Variants in MYH6 observed in about 807,000 individuals in gnomAD.
MYH6 encodes the protein myosin heavy chain 6, also known as myosin-6.
In MYH6, 126 loss-of-function variants were observed where a neutral mutation model predicts 223.2. That is an observed-to-expected ratio of 0.56 (90% confidence interval 0.49 to 0.65). The LOEUF (loss-of-function observed/expected upper bound fraction) is 0.65. MYH6 is among the 30% of genes least tolerant of loss of function. The pLI is 0.00. For synonymous variants in MYH6, 978 were observed against 1,010.2 expected (o/e 0.97, Z 0.61); for missense variants, 2,040 against 2,536.4 (o/e 0.80, Z 4.20).
chr14:23,395,659 T>C (rs974903601), intron 20 of MYH6, among the ~76,000 whole-genome samples: 1 of 152,166 alleles, frequency 6.6e-6, no homozygotes, highest in Non-Finnish European at 1.5e-5. Flanking sequence ...CCAGAGTAGC[T>C]GGGACTACAG....
At chr14:23,397,932 C>CTCCTCTTCTTCTTCT (rs1891452078) in intron 15 of MYH6, among the ~76,000 whole-genome samples, 6 of 90,218 alleles carry the variant, frequency 6.7e-5, no homozygotes, top group East Asian at 3.8e-4. Flanking sequence ...CCTCCTCCTC[C>CTCCTCTTCTTCTTCT]TCTTCTTCTT....
intron 25 of MYH6, 115 bp from the exon 26 acceptor site, chr14:23,390,561 G>T (rs1357369919): frequency 6.5e-7 from 1 of 1,532,262 alleles, no homozygotes; most frequent in African/African-American, 1.4e-5. Flanking sequence ...TTCTCAACTA[G>T]GGGCAATTTT....
At chr14:23,382,366 C>T (rs570992402) in intron 38 of MYH6, 62 bp downstream of exon 38, 21 of 1,610,286 alleles carry the variant, frequency 1.3e-5, no homozygotes, top group South Asian at 1.2e-4. Context: ...CTCTGAAGGG[C>T]ACCCATATCA....
At position 23,397,947 on chromosome 14, in the gene MYH6, T is replaced by TTCC. The variant is rs1329314757; in HGVS notation, c.1892-335_1892-334insGGA. 3.6e-3 allele frequency among the ~76,000 whole-genome samples: 259 copies of TTCC among 71,300 alleles called. 8 individuals carry two copies. Among genetic ancestry groups the TTCC allele is most frequent in the African/African-American group, 0.016 (238 of 15,156 alleles). 46.8% of individuals were successfully genotyped at this position (71,300 alleles called of 152,430 possible). Reference sequence around the variant, plus strand: ...CCTCCTCCTCCTCTTCTTCTTCTTCTTCTTCTTCTTCTTCTTCTTCTTCTT... The same window carrying TTCC: ...CCTCCTCCTCCTCTTCTTCTTCTTCTTCCTCTTCTTCTTCTTCTTCTTCTTCTT... On this transcript the variant is annotated intron_variant, in intron 15 of 38. Transcript: ENST00000405093.
intron 32 of MYH6, among the ~76,000 whole-genome samples, chr14:23,387,090 T>A (rs1255818863): frequency 6.6e-6 from 1 of 152,196 alleles, no homozygotes; most frequent in Non-Finnish European, 1.5e-5. Flanking sequence ...TTAATCTTTA[T>A]AATAATCATG....
chr14:23,404,692 C>A lies in MYH6; in HGVS notation c.642+19G>T. 6.2e-7 allele frequency: 1 copy of A among 1,610,504 alleles called. No individual in the cohort carries two copies. The highest frequency in any genetic ancestry group is 1.3e-5 in the African/African-American group (1 of 74,928). ...GCCCCCCAACCCCTGTTCTGCCGAG[C>A]CTGTGTCCCCCATGGCACCTTGTTC... On this transcript the variant is annotated intron_variant, in intron 7 of 38. Transcript: ENST00000405093.
intron 3 of MYH6, among the ~76,000 whole-genome samples, chr14:23,406,529 TGGTGTGA>T (rs1891794299): frequency 2.0e-5 from 3 of 152,184 alleles, no homozygotes; most frequent in Non-Finnish European, 4.4e-5. Flanking sequence ...TTCTCTTGGC[TGGTGTGA>T]GCAAACCAGG....
Position 23,388,885 on chromosome 14 carries a change from C to T in MYH6, c.4149G>A (p.Gln1383=). ...TGGCCTCTTCGAGCTCCTCAGTCCG[C>T]TGAATGGCGTCCGTCTCATACTTGG... ...WRTKYETDAI[Q]RTEELEEAKK... Residue 1383 remains glutamine, a synonymous_variant, in exon 29 of 39, where the codon CAG becomes CAA. Transcript: ENST00000405093. 3 of 1,613,838 alleles carry T rather than the reference C, an allele frequency of 1.9e-6. No individual in the cohort carries two copies. Among genetic ancestry groups the T allele is most frequent in the Non-Finnish European group, 2.5e-6 (3 of 1,180,042 alleles).
chr14:23,399,169 C>T (rs1891522224), intron 14 of MYH6, 132 bp from the exon 15 acceptor site: 2 of 1,080,474 alleles, frequency 1.9e-6, no homozygotes, highest in Admixed American at 2.1e-5. Context: ...TGTGCTGGTA[C>T]CTCTTACCCT....
Position 23,389,585 on chromosome 14 carries a change from G to C in MYH6, c.3859+8C>G. On this transcript the variant is annotated splice_region_variant and intron_variant, in intron 27 of 38. Transcript: ENST00000405093. Reference sequence around the variant, plus strand: ...GCCCTAGGCAGGGGGTTGGTTAGGGGCACCCACCATTCTCGGTCTGCAGCT... The same window carrying C: ...GCCCTAGGCAGGGGGTTGGTTAGGGCCACCCACCATTCTCGGTCTGCAGCT... 6.2e-7 allele frequency: 1 copy of C among 1,614,236 alleles called. No homozygotes were observed.
rs200229373 is a variant in MYH6 at position 23,396,356 on chromosome 14, A to C, written c.2357T>G (p.Ile786Ser). 1 of 1,614,108 alleles carries C rather than the reference A, an allele frequency of 6.2e-7. No individual in the cohort carries two copies. Among genetic ancestry groups the C allele is most frequent in the Non-Finnish European group, 8.5e-7 (1 of 1,180,040 alleles). ...EEMRDERLSR[I>S]ITRMQAQARG... ...GGCTTGGGCCTGCATGCGCGTGATG[A>C]TGCGGCTCAGCCTCTCATCCCGCAT... Residue 786 changes from isoleucine to serine, a missense_variant, in exon 20 of 39, where the codon ATC becomes AGC. By Grantham distance (142) the Ile-to-Ser change is moderately radical (BLOSUM62 -2). Coordinates refer to ENST00000405093, the MANE Select transcript of MYH6 (RefSeq NM_002471.4).
chr14:23,389,748 T>C (rs750052798), intron 26 of MYH6, 29 bp from the exon 27 acceptor site: 3 of 1,612,632 alleles, frequency 1.9e-6, no homozygotes, highest in Non-Finnish European at 1.7e-6. Context: ...GAAGGGTGAG[T>C]GTGGGAGGGG....
Position 23,402,559 on chromosome 14 carries a change from C to T in MYH6, c.1046G>A (p.Gly349Asp), listed in dbSNP as rs775571547. 4 of 1,613,804 alleles carry T rather than the reference C, an allele frequency of 2.5e-6. No individual in the cohort carries two copies. The highest frequency in any genetic ancestry group is 3.4e-6 in the Non-Finnish European group (4 of 1,179,976). The part of the protein sequence containing the change: ...VLGFTSEEKA[G>D]VYKLTGAIMH... ...GATGGCTCCCGTCAGCTTGTAGACGCCAGCTTTCTCCTCTGAAGTGAAGCC... is the reference window on the plus strand; with the variant it reads ...GATGGCTCCCGTCAGCTTGTAGACGTCAGCTTTCTCCTCTGAAGTGAAGCC... The change falls in exon 12 of 39, where the codon GGC becomes GAC. Residue 349 changes from glycine (G) to aspartate (D), a missense_variant. Gly to Asp is a moderately conservative substitution (Grantham distance 94). Around this residue, in one of 4 missense-constraint regions of MYH6, gnomAD observed 649 missense variants for 877.3 expected, o/e 0.74. Transcript: ENST00000405093.
rs896503825 is a variant in MYH6 at position 23,405,099 on chromosome 14, C to A, written c.530+1G>T. On this transcript the variant is annotated splice_donor_variant, in intron 6 of 38. Transcript: ENST00000405093. LOFTEE classifies it high-confidence loss of function. This position sits in a 1 kb window ranked among gnomAD's most constrained non-coding sequence, Gnocchi z 4.7. ...TCTGTGGGAGGATGGCACTCGCTCA[C>A]GTGATGAGGATGGACTGGTTCTCCC... 1.2e-6 allele frequency: 2 copies of A among 1,613,984 alleles called. No individual in the cohort carries two copies. Among genetic ancestry groups the A allele is most frequent in the Non-Finnish European group, 1.7e-6 (2 of 1,180,042 alleles).
At position 23,405,554 on chromosome 14, in the gene MYH6, G is replaced by T. The variant is rs1891758534; in HGVS notation, c.345+73C>A. ...CTTGGGAGTCTCTCCCCCTCTTCTT[G>T]GGAGAGCCCCCCTGGCTTATTTAGG... On this transcript the variant is annotated intron_variant, in intron 4 of 38. Transcript: ENST00000405093. The surrounding 1 kb of genome is among the most constrained non-coding windows in gnomAD (Gnocchi z 4.7). 6.2e-7 allele frequency: 1 copy of T among 1,608,586 alleles called. No homozygotes were observed. The highest frequency in any genetic ancestry group is 8.5e-7 in the Non-Finnish European group (1 of 1,176,904).
intron 10 of MYH6, among the ~76,000 whole-genome samples, chr14:23,403,057 A>T (rs1891658519): frequency 6.6e-6 from 1 of 151,694 alleles, no homozygotes; most frequent in Non-Finnish European, 1.5e-5. Context: ...GGGGAGTGAC[A>T]CATGGGAGAT....
Position 23,383,339 on chromosome 14 carries a change from G to GGGGGGGGCCCCCCCCC in MYH6, c.5566-20_5566-19insGGGGGGGGGCCCCCCC. On this transcript the variant is annotated intron_variant, in intron 36 of 38. Coordinates refer to ENST00000405093, the MANE Select transcript of MYH6 (RefSeq NM_002471.4). ...CCTCTGTCTGGGGGTGGGAGGGTGGGAGAAGCTGGTTTGGAGGGGGAGCAA... is the reference window on the plus strand; with the variant it reads ...CCTCTGTCTGGGGGTGGGAGGGTGGGGGGGGGGCCCCCCCCCAGAAGCTGGTTTGGAGGGGGAGCAA... 1.8e-5 allele frequency: 2 copies of GGGGGGGGCCCCCCCCC among 108,136 alleles called. No individual in the cohort carries two copies. The highest frequency in any genetic ancestry group is 3.7e-5 in the Non-Finnish European group (2 of 54,342). The allele number at this position is 108,136 out of a possible 1,614,324, so 6.7% of individuals were successfully genotyped here.
intron 9 of MYH6, 132 bp downstream of exon 9, chr14:23,403,582 TA>T: frequency 3.4e-6 from 4 of 1,191,864 alleles, no homozygotes; most frequent in Non-Finnish European, 3.7e-6. Context: ...GTGGCTTAAA[TA>T]AAAAGGATCC....
Position 23,383,339 on chromosome 14 carries a change from G to GGGGGGGGCCCCCCCCCCCC in MYH6, c.5566-20_5566-19insGGGGGGGGGGGGCCCCCCC. On this transcript the variant is annotated intron_variant, in intron 36 of 38. Coordinates refer to ENST00000405093, the MANE Select transcript of MYH6 (RefSeq NM_002471.4). Reference sequence around the variant, plus strand: ...CCTCTGTCTGGGGGTGGGAGGGTGGGAGAAGCTGGTTTGGAGGGGGAGCAA... The same window carrying GGGGGGGGCCCCCCCCCCCC: ...CCTCTGTCTGGGGGTGGGAGGGTGGGGGGGGGGCCCCCCCCCCCCAGAAGCTGGTTTGGAGGGGGAGCAA... 9.2e-6 allele frequency: 1 copy of GGGGGGGGCCCCCCCCCCCC among 108,162 alleles called. No homozygotes were observed. The highest frequency in any genetic ancestry group is 1.8e-5 in the Non-Finnish European group (1 of 54,360). The allele number at this position is 108,162 out of a possible 1,614,324, so 6.7% of individuals were successfully genotyped here. A position where few individuals can be genotyped will look rare whatever the true frequency, so the allele number is the denominator to read the frequency against.
Sources: gnomAD v4.1 joint callset for allele counts (sites outside exome capture counted in the v4.1 genomes callset) on GRCh38, gnomAD v4.1.1 for gene constraint, gnomAD v4.1.1 regional missense constraint, Gnocchi (gnomAD v3.1) non-coding constraint, MANE v1.5 for transcripts, NCBI Gene and HGNC (gene_info 2026-07-23, HGNC 2026-07-21) for gene names.